KCNAB1: variants seen among roughly 807,000 people sequenced by gnomAD.
The protein encoded by KCNAB1 is voltage-gated potassium channel subunit beta-1.
Under a neutral mutation model 64.6 loss-of-function variants are expected in KCNAB1, and 35 were observed. That is an observed-to-expected ratio of 0.54 (90% CI 0.41 to 0.72). KCNAB1 has a LOEUF of 0.72. Ranked by LOEUF, KCNAB1 falls within the 30% of genes least tolerant of loss-of-function variation. The probability of loss-of-function intolerance (pLI) is 0.00; values close to 1 mark genes in which losing one functional copy is unlikely to be tolerated. For synonymous variants in KCNAB1, 177 were observed against 183.8 expected (o/e 0.96, Z 0.30); for missense variants, 401 against 512.9 (o/e 0.78, Z 2.11).
chr3:156,176,243 G>A (rs903463772), intron 1 of KCNAB1: 21 of 806,274 alleles, frequency 2.6e-5, no homozygotes, highest in Admixed American at 1.0e-4. Flanking sequence ...GTGTAGGTTA[G>A]TTTGTTCTGG....
intron 1 of KCNAB1, among the ~76,000 whole-genome samples, chr3:156,133,671 G>C (rs1714129032): frequency 6.6e-6 from 1 of 152,174 alleles, no homozygotes; most frequent in African/African-American, 2.4e-5. Flanking sequence ...TGTGATATTA[G>C]AAGTGTGAAG....
chr3:156,356,112 A>G (rs1367306163), intron 1 of KCNAB1, among the ~76,000 whole-genome samples: 7 of 138,202 alleles, frequency 5.1e-5, no homozygotes, highest in Non-Finnish European at 9.1e-5. Context: ...ACAGAGTGGG[A>G]CCCTGTAAAA....
intron 1 of KCNAB1, among the ~76,000 whole-genome samples, chr3:156,348,754 G>A (rs1436912394): frequency 6.6e-6 from 1 of 152,150 alleles, no homozygotes; most frequent in Admixed American, 6.5e-5. Context: ...GATTTCCCAG[G>A]AAGCATGTAT....
intron 1 of KCNAB1, among the ~76,000 whole-genome samples, chr3:156,370,137 A>G (rs1726208157): frequency 6.6e-6 from 1 of 152,202 alleles, no homozygotes; most frequent in Admixed American, 6.5e-5. Flanking sequence ...ATGACAGTGA[A>G]TACAGCTACA....
At chr3:156,421,814 TCCCATCA>T (rs1307304871) in intron 2 of KCNAB1, among the ~76,000 whole-genome samples, 155 bp downstream of exon 2, 1 of 152,112 alleles carries the variant, frequency 6.6e-6, no homozygotes, top group African/African-American at 2.4e-5. Context: ...GCCTTTCTCT[TCCCATCA>T]TGACCCTCTC....
At chr3:156,226,416 A>G (rs1241109940) in intron 1 of KCNAB1, among the ~76,000 whole-genome samples, 1 of 152,212 alleles carries the variant, frequency 6.6e-6, no homozygotes, top group Non-Finnish European at 1.5e-5. Flanking sequence ...TCAACTCAAG[A>G]TGGATCAAAG....
intron 1 of KCNAB1, among the ~76,000 whole-genome samples, chr3:156,264,926 C>G (rs1243365433): frequency 6.6e-6 from 1 of 152,144 alleles, no homozygotes; most frequent in Non-Finnish European, 1.5e-5. Context: ...TATTTGGTTC[C>G]CCAACTACTA....
intron 2 of KCNAB1, among the ~76,000 whole-genome samples, chr3:156,429,508 C>T (rs907789413): frequency 6.6e-6 from 1 of 152,212 alleles, no homozygotes; most frequent in Non-Finnish European, 1.5e-5. Flanking sequence ...AGCAGTGAAT[C>T]TTAAGAATAA....
At chr3:156,178,909 G>C (rs888321813) in intron 1 of KCNAB1, among the ~76,000 whole-genome samples, 25 of 148,690 alleles carry the variant, frequency 1.7e-4, no homozygotes, top group Admixed American at 4.0e-4. Context: ...GCTGAGGCAG[G>C]AGAATGGCAT....
At chr3:156,151,136 C>T (rs1308867154) in intron 1 of KCNAB1, among the ~76,000 whole-genome samples, 1 of 152,204 alleles carries the variant, frequency 6.6e-6, no homozygotes, top group Non-Finnish European at 1.5e-5. Flanking sequence ...ATCTGGACTG[C>T]ACGGGAGAAG....
intron 1 of KCNAB1, among the ~76,000 whole-genome samples, chr3:156,363,565 T>G (rs1725748629): frequency 3.3e-5 from 5 of 152,010 alleles, no homozygotes; most frequent in Admixed American, 3.3e-4. Context: ...AACCTCTGCC[T>G]CCTGGGTTCA....
chr3:156,532,932 G>A (rs1289691716), intron 13 of KCNAB1, among the ~76,000 whole-genome samples: 3 of 152,190 alleles, frequency 2.0e-5, no homozygotes, highest in Non-Finnish European at 4.4e-5. Flanking sequence ...CTAGGCAGTG[G>A]GAGGACTGAG....
At chr3:156,437,164 G>T (rs933108753) in intron 2 of KCNAB1, among the ~76,000 whole-genome samples, 1 of 152,134 alleles carries the variant, frequency 6.6e-6, no homozygotes, top group Non-Finnish European at 1.5e-5. Flanking sequence ...ATTTAAGAAG[G>T]ATTGGTCTTT....
At chr3:156,163,339 T>A (rs899338295) in intron 1 of KCNAB1, among the ~76,000 whole-genome samples, 7 of 152,110 alleles carry the variant, frequency 4.6e-5, no homozygotes, top group Admixed American at 2.0e-4. Context: ...TTTATGGAAT[T>A]TTTTTTAGGT....
intron 1 of KCNAB1, among the ~76,000 whole-genome samples, chr3:156,388,592 T>A (rs925489424): frequency 1.3e-5 from 2 of 152,238 alleles, no homozygotes; most frequent in Non-Finnish European, 2.9e-5. Flanking sequence ...AAGTGTGAGT[T>A]ACATCATAGT....
intron 1 of KCNAB1, among the ~76,000 whole-genome samples, chr3:156,319,647 A>G (rs1042882730): frequency 6.6e-6 from 1 of 152,142 alleles, no homozygotes; most frequent in Non-Finnish European, 1.5e-5. Flanking sequence ...GTGAAAAGAC[A>G]CTATTTTCCC....
rs188109151 is a variant in KCNAB1, at chr3:156,309,821, G to T, written c.276-111795G>T. Among the ~76,000 whole-genome samples the T allele has an allele frequency of 7.9e-5, 12 of 152,342 alleles. 1 individual carries two copies. In the East Asian group the frequency reaches 2.3e-3, roughly 29 times the overall value. ...TATCAAGTGTCACAAGCCAGAGATT[G>T]CAGGGGCAGAAGAATTCTAGGAACT... On this transcript the variant is annotated intron_variant, in intron 1 of 13. Coordinates refer to ENST00000490337, the MANE Select transcript of KCNAB1 (RefSeq NM_172160.3).
intron 1 of KCNAB1, among the ~76,000 whole-genome samples, chr3:156,268,035 A>G (rs1295610230): frequency 1.7e-5 from 2 of 115,246 alleles, no homozygotes; most frequent in Non-Finnish European, 3.5e-5. Flanking sequence ...CCCACCCCCC[A>G]TTACACTTCC....
chr3:156,240,894 G>C (rs550655255), intron 1 of KCNAB1, among the ~76,000 whole-genome samples: 1 of 152,246 alleles, frequency 6.6e-6, no homozygotes, highest in African/African-American at 2.4e-5. Flanking sequence ...TCGAGGGTGC[G>C]TTATCAAGAA....
Sources: gnomAD v4.1 joint callset for allele counts (sites outside exome capture counted in the v4.1 genomes callset) on GRCh38, gnomAD v4.1.1 for gene constraint, MANE v1.5 for transcripts, NCBI Gene and HGNC (gene_info 2026-07-23, HGNC 2026-07-21) for gene names.